LRRTM4: variants seen among roughly 807,000 people sequenced by gnomAD.
LRRTM4 encodes the protein leucine-rich repeat transmembrane neuronal protein 4.
A neutral mutation model predicts 47.6 loss-of-function variants in LRRTM4; 25 were observed. The ratio of observed to expected loss-of-function variants is 0.53; its 90% CI spans 0.38 to 0.73. The LOEUF is 0.73. Ranked by LOEUF, LRRTM4 falls within the 30% of genes least tolerant of loss-of-function variation. LRRTM4 has a pLI of 0.00. For synonymous variants in LRRTM4, 311 were observed against 269.5 expected (o/e 1.15, Z -1.51); for missense variants, 638 against 713.4 (o/e 0.89, Z 1.20).
intron 3 of LRRTM4, among the ~76,000 whole-genome samples, chr2:76,793,994 T>A (rs1206391798): frequency 6.6e-6 from 1 of 152,216 alleles, no homozygotes; most frequent in African/African-American, 2.4e-5. Flanking sequence ...GGAGAATATT[T>A]TTCTGTGTGT....
chr2:76,990,838 A>G (rs928691214), intron 3 of LRRTM4, among the ~76,000 whole-genome samples: 1 of 151,580 alleles, frequency 6.6e-6, no homozygotes, highest in African/African-American at 2.4e-5. Context: ...ATCAATCACA[A>G]AATATACATT....
chr2:76,802,148 A>T (rs985833331), intron 3 of LRRTM4, among the ~76,000 whole-genome samples: 16 of 152,070 alleles, frequency 1.1e-4, no homozygotes, highest in African/African-American at 3.4e-4. Flanking sequence ...AAAAGAATAA[A>T]AGTCATCTAA....
At chr2:76,808,558 G>T (rs966053548) in intron 3 of LRRTM4, among the ~76,000 whole-genome samples, 2 of 151,914 alleles carry the variant, frequency 1.3e-5, no homozygotes, top group Non-Finnish European at 2.9e-5. Context: ...ATTTATTGAT[G>T]CAAATATATA....
chr2:76,921,281 A>G (rs1674424973), intron 3 of LRRTM4, among the ~76,000 whole-genome samples: 1 of 152,028 alleles, frequency 6.6e-6, no homozygotes, highest in Non-Finnish European at 1.5e-5. Flanking sequence ...TGTTTTTCTG[A>G]TGATTAGGCT....
intron 3 of LRRTM4, among the ~76,000 whole-genome samples, chr2:76,934,536 T>C (rs1272468071): frequency 1.3e-5 from 2 of 152,080 alleles, no homozygotes; most frequent in African/African-American, 2.4e-5. Context: ...AACAACCATT[T>C]CTCCAGGCAA....
At chr2:77,012,978 G>A (rs1252971783) in intron 3 of LRRTM4, among the ~76,000 whole-genome samples, 1 of 152,108 alleles carries the variant, frequency 6.6e-6, no homozygotes. Context: ...ATGTTCAAGA[G>A]GTATAATTTT....
At chr2:77,045,748 CAATT>C (rs1169325298) in intron 3 of LRRTM4, among the ~76,000 whole-genome samples, 1 of 151,878 alleles carries the variant, frequency 6.6e-6, no homozygotes, top group Non-Finnish European at 1.5e-5. Context: ...ACTGTAAGTC[CAATT>C]AATTTTTTTT....
intron 3 of LRRTM4, among the ~76,000 whole-genome samples, chr2:76,899,673 G>A (rs1048905838): frequency 3.3e-5 from 5 of 152,184 alleles, no homozygotes; most frequent in African/African-American, 7.2e-5. Context: ...TAAAACTATG[G>A]ATGGAATTAC....
intron 3 of LRRTM4, among the ~76,000 whole-genome samples, chr2:77,023,186 C>G (rs1009555537): frequency 1.3e-5 from 2 of 152,244 alleles, no homozygotes; most frequent in African/African-American, 2.4e-5. Flanking sequence ...ATGTTGGCCC[C>G]TTTCAGCCAA....
intron 3 of LRRTM4, among the ~76,000 whole-genome samples, chr2:77,323,481 GT>G (rs1199816364): frequency 2.0e-5 from 3 of 152,060 alleles, no homozygotes; most frequent in African/African-American, 7.2e-5. Flanking sequence ...AAACATTTCT[GT>G]TTGTTTCTTA....
At chr2:77,330,150 T>G (rs993840551) in intron 3 of LRRTM4, among the ~76,000 whole-genome samples, 4 of 152,224 alleles carry the variant, frequency 2.6e-5, no homozygotes, top group Non-Finnish European at 1.5e-5. Flanking sequence ...GAAATGTCAC[T>G]TGATAAATAA....
intron 3 of LRRTM4, among the ~76,000 whole-genome samples, chr2:77,477,936 A>G (rs866473516): frequency 6.7e-6 from 1 of 148,178 alleles, no homozygotes; most frequent in African/African-American, 2.5e-5. Flanking sequence ...AGAAAGAAAG[A>G]AAGAAAGAAA....
chr2:77,188,839 C>T (rs1367005436), intron 3 of LRRTM4, among the ~76,000 whole-genome samples: 1 of 152,168 alleles, frequency 6.6e-6, no homozygotes, highest in South Asian at 2.1e-4. Context: ...TCCTTGCCTT[C>T]TGCCTCTAAT....
chr2:76,972,273 C>T (rs1198119154), intron 3 of LRRTM4, among the ~76,000 whole-genome samples: 1 of 151,936 alleles, frequency 6.6e-6, no homozygotes, highest in Non-Finnish European at 1.5e-5. Flanking sequence ...GTGAATATAG[C>T]CATCATTCTT....
At chr2:76,813,538 AAATATAT>A (rs1320407175) in intron 3 of LRRTM4, among the ~76,000 whole-genome samples, 1 of 152,158 alleles carries the variant, frequency 6.6e-6, no homozygotes, top group Non-Finnish European at 1.5e-5. Flanking sequence ...CATTTTTTAA[AAATATAT>A]AATTTATGTA....
chr2:77,125,881 CAT>C (rs1364472361), intron 3 of LRRTM4, among the ~76,000 whole-genome samples: 1 of 148,086 alleles, frequency 6.8e-6, no homozygotes, highest in East Asian at 2.0e-4. Context: ...TGTGTGTGCA[CAT>C]ATGTGTAAAT....
chr2:76,779,430 T>G (rs1171894258), intron 3 of LRRTM4, among the ~76,000 whole-genome samples: 2 of 149,518 alleles, frequency 1.3e-5, no homozygotes, highest in East Asian at 3.9e-4. Context: ...ACTTGCTTTA[T>G]GAATCTGGGT....
At chr2:77,521,582 G>A (rs1486696483) in intron 2 of LRRTM4, 86 bp downstream of exon 2, 19 of 1,515,282 alleles carry the variant, frequency 1.3e-5, no homozygotes, top group Middle Eastern at 1.7e-4. Flanking sequence ...CTGTTTCCCC[G>A]TCTTTTATCT....
At chr2:77,038,215 A>G (rs1021625322) in intron 3 of LRRTM4, among the ~76,000 whole-genome samples, 3 of 151,594 alleles carry the variant, frequency 2.0e-5, no homozygotes, top group African/African-American at 7.2e-5. Context: ...ATTCTTTACA[A>G]ATCATTTAAA....
Sources: allele counts gnomAD v4.1 joint callset (sites outside exome capture counted in the v4.1 genomes callset), GRCh38; gene constraint gnomAD v4.1.1; transcripts MANE v1.5; gene names NCBI Gene and HGNC (gene_info 2026-07-23, HGNC 2026-07-21).